Variants in INVS observed in about 807,000 individuals in gnomAD.
INVS encodes inversin.
In INVS, 86 loss-of-function variants were observed where a neutral mutation model predicts 108.8. The observed-to-expected ratio is 0.79, with a 90% CI of 0.66 to 0.95. The LOEUF (loss-of-function observed/expected upper bound fraction) is 0.95, where lower values mean the gene tolerates loss of function less well. Among genes scored for constraint, INVS ranks in the 40% least tolerant of loss-of-function variants. The pLI is 0.00. For synonymous variants in INVS, 455 were observed against 473.5 expected (o/e 0.96, Z 0.51); for missense variants, 1,169 against 1,297.4 (o/e 0.90, Z 1.52).
At chr9:100,212,310 GT>G (rs1830855298) in intron 3 of INVS, among the ~76,000 whole-genome samples, 1 of 152,120 alleles carries the variant, frequency 6.6e-6, no homozygotes, top group Non-Finnish European at 1.5e-5. Context: ...TTTATATTAT[GT>G]TTATATTTCA....
chr9:100,152,100 C>G (rs1048244966), intron 3 of INVS, among the ~76,000 whole-genome samples: 3 of 152,126 alleles, frequency 2.0e-5, no homozygotes, highest in African/African-American at 7.2e-5. Flanking sequence ...ATCCTTTGTT[C>G]CTCCAGTACC....
chr9:100,252,857 A>C (rs755421828), intron 9 of INVS, 50 bp from the exon 10 acceptor site: 9 of 1,325,126 alleles, frequency 6.8e-6, no homozygotes, highest in African/African-American at 5.9e-5. Flanking sequence ...TACTCATTTT[A>C]ATAAAAGCTA....
intron 10 of INVS, among the ~76,000 whole-genome samples, chr9:100,261,693 A>G (rs1157026836): frequency 1.3e-5 from 2 of 152,254 alleles, no homozygotes; most frequent in African/African-American, 2.4e-5. Context: ...TGGATTGTCT[A>G]CATAAGCAAT....
At chr9:100,155,204 C>T (rs1828935478) in intron 3 of INVS, among the ~76,000 whole-genome samples, 1 of 148,764 alleles carries the variant, frequency 6.7e-6, no homozygotes, top group African/African-American at 2.5e-5. Context: ...GAGTGAGACT[C>T]CATCTCAAAA....
At chr9:100,177,894 C>A (rs972242245) in intron 3 of INVS, among the ~76,000 whole-genome samples, 5 of 152,192 alleles carry the variant, frequency 3.3e-5, no homozygotes, top group Non-Finnish European at 7.3e-5. Context: ...TTGCATCTGG[C>A]AGGTGCCCCT....
At chr9:100,141,272 G>C (rs1450424746) in intron 3 of INVS, among the ~76,000 whole-genome samples, 1 of 152,206 alleles carries the variant, frequency 6.6e-6, no homozygotes, top group African/African-American at 2.4e-5. Context: ...CTGAGGACAG[G>C]CCTGAATTCT....
chr9:100,205,619 T>C (rs1830650696), intron 3 of INVS, among the ~76,000 whole-genome samples: 1 of 152,032 alleles, frequency 6.6e-6, no homozygotes, highest in South Asian at 2.1e-4. Flanking sequence ...TTGTCTTAAC[T>C]TTAATCTCTA....
chr9:100,189,605 A>G (rs920002860), intron 3 of INVS, among the ~76,000 whole-genome samples: 5 of 150,810 alleles, frequency 3.3e-5, no homozygotes, highest in Non-Finnish European at 5.9e-5. Context: ...ATACTTGTTT[A>G]CCTTATTGAT....
At chr9:100,227,979 T>TC (rs1057191826) in intron 4 of INVS, among the ~76,000 whole-genome samples, 3 of 143,518 alleles carry the variant, frequency 2.1e-5, no homozygotes, top group Non-Finnish European at 3.0e-5. Flanking sequence ...ATAAACATTA[T>TC]TTTCTTTCTT....
chr9:100,112,697 T>G (rs770594815), intron 2 of INVS, among the ~76,000 whole-genome samples: 97 of 151,686 alleles, frequency 6.4e-4, no homozygotes, highest in South Asian at 1.7e-3. Context: ...AAAAAAAATC[T>G]CATAATGTTT....
intron 13 of INVS, among the ~76,000 whole-genome samples, chr9:100,288,715 G>T (rs938712807): frequency 6.6e-6 from 1 of 151,932 alleles, no homozygotes; most frequent in South Asian, 2.1e-4. Context: ...CTGCCTCCCA[G>T]GTTCAAGTGA....
chr9:100,233,808 C>T (rs531759709), intron 5 of INVS, among the ~76,000 whole-genome samples: 2 of 152,284 alleles, frequency 1.3e-5, no homozygotes, highest in Non-Finnish European at 2.9e-5. Context: ...TGATGTTCAT[C>T]AGGGATATTG....
chr9:100,267,019 TAAAAAA>T (rs11415703), intron 11 of INVS, among the ~76,000 whole-genome samples: 122 of 93,136 alleles, frequency 1.3e-3, no homozygotes, highest in African/African-American at 4.6e-3. Flanking sequence ...TTTGAAACTC[TAAAAAA>T]AAAAAAAAAA....
intron 3 of INVS, among the ~76,000 whole-genome samples, chr9:100,223,355 C>G (rs765507164): frequency 9.9e-5 from 15 of 152,084 alleles, no homozygotes; most frequent in Non-Finnish European, 5.9e-5. Context: ...TCTCGGCCAC[C>G]CAAAGTGCTA....
At position 100,122,844 on chromosome 9, in the gene INVS, A is replaced by G. The variant is rs565053233; in HGVS notation, c.107-3539A>G. Among the ~76,000 whole-genome samples, 8 of 152,130 alleles carry G rather than the reference A, an allele frequency of 5.3e-5. No homozygotes were observed. The South Asian group carries it at 1.5e-3, about 28-fold the overall frequency. ...CATGATTCGCCCGCCTTGGCCTCCAAAAGTGCTGGGATTACAGGCGTGAGC... is the reference window on the plus strand; with the variant it reads ...CATGATTCGCCCGCCTTGGCCTCCAGAAGTGCTGGGATTACAGGCGTGAGC... On this transcript the variant is annotated intron_variant, in intron 2 of 16. Coordinates refer to ENST00000262457, the MANE Select transcript of INVS (RefSeq NM_014425.5).
chr9:100,178,841 A>G (rs1181854812), intron 3 of INVS, among the ~76,000 whole-genome samples: 2 of 152,214 alleles, frequency 1.3e-5, no homozygotes, highest in African/African-American at 4.8e-5. Flanking sequence ...TAATCGTCAG[A>G]TTCACCAAGA....
intron 3 of INVS, chr9:100,175,931 G>T: frequency 1.7e-6 from 1 of 580,612 alleles, no homozygotes; most frequent in East Asian, 4.4e-5. Context: ...TGACTTGGAG[G>T]CTGCCTTGGA....
chr9:100,184,842 A>G (rs189967886), intron 3 of INVS, among the ~76,000 whole-genome samples: 119 of 152,320 alleles, frequency 7.8e-4, no homozygotes, highest in Non-Finnish European at 1.4e-3. Context: ...AAGACATTGC[A>G]TGCAGGAAAA....
chr9:100,183,411 T>G, intron 3 of INVS, among the ~76,000 whole-genome samples: 1 of 152,128 alleles, frequency 6.6e-6, no homozygotes, highest in Non-Finnish European at 1.5e-5. Flanking sequence ...AATCTAGAAT[T>G]CTGTATCTGG....
Sources: gnomAD v4.1 joint callset for allele counts (sites outside exome capture counted in the v4.1 genomes callset) on GRCh38, gnomAD v4.1.1 for gene constraint, MANE v1.5 for transcripts, NCBI Gene and HGNC (gene_info 2026-07-23, HGNC 2026-07-21) for gene names.